The following MIEF2 variants were observed in gnomAD, a reference collection of about 807,000 sequenced individuals.
MIEF2 encodes the protein mitochondrial dynamics protein MID49.
In MIEF2, 1 loss-of-function variant was observed where a neutral mutation model predicts 7.4. The observed-to-expected ratio is 0.14, with a 90% CI of 0.05 to 0.64. The LOEUF (loss-of-function observed/expected upper bound fraction) is 0.64. Among genes scored for constraint, MIEF2 ranks in the 30% least tolerant of loss-of-function variants. The pLI is 0.85. For synonymous variants in MIEF2, 275 were observed against 290.5 expected (o/e 0.95, Z 0.54); for missense variants, 569 against 623.9 (o/e 0.91, Z 0.94).
In MIEF2 at chr17:18,266,018, C is replaced by A. The variant is rs2142911250; in HGVS notation, c.*1254C>A. 6.6e-6 allele frequency: 1 copy of A among 152,042 alleles called. No individual in the cohort carries two copies. Among genetic ancestry groups the A allele is most frequent in the Admixed American group, 6.5e-5 (1 of 15,270 alleles). 9.4% of individuals were successfully genotyped at this position (152,042 alleles called of 1,614,324 possible). ...GTCAAGAGATCGAGACCATCCTGAC[C>A]AACATGATGAAACCCCAACTCTACT... is the stretch of plus-strand genomic sequence containing the variant. On this transcript the variant is annotated 3_prime_UTR_variant, in exon 4 of 4. Transcript: ENST00000323019.
rs899364232 is a variant in MIEF2 at position 18,265,231 on chromosome 17, T to A, written c.*467T>A. On this transcript the variant is annotated 3_prime_UTR_variant, in exon 4 of 4. Transcript: ENST00000323019. ...TGCCTGATGGTAGGTATGGTGTGTT[T>A]GTTCTGTCCCCCAGGGGCTGGAGTC... 3 of 158,122 alleles carry A rather than the reference T, an allele frequency of 1.9e-5. No homozygotes were observed. Among genetic ancestry groups the A allele is most frequent in the Non-Finnish European group, 4.2e-5 (3 of 71,368 alleles). The allele number at this position is 158,122 out of a possible 1,614,324, so 9.8% of individuals were successfully genotyped here.
At chr17:18,263,681 G>T (rs780724405) in intron 3 of MIEF2, 29 bp from the exon 4 acceptor site, 5 of 1,528,468 alleles carry the variant, frequency 3.3e-6, no homozygotes. Context: ...AGGCTGTTCC[G>T]ACATGTTCCC....
At position 18,264,919 on chromosome 17, in the gene MIEF2, A is replaced by G. The variant is rs993681194; in HGVS notation, c.*155A>G. 7.5e-7 allele frequency: 1 copy of G among 1,333,802 alleles called. No homozygotes were observed. The highest frequency in any genetic ancestry group is 9.9e-7 in the Non-Finnish European group (1 of 1,009,544). 82.6% of individuals were successfully genotyped at this position (1,333,802 alleles called of 1,614,324 possible). On this transcript the variant is annotated 3_prime_UTR_variant, in exon 4 of 4. Transcript: ENST00000323019. ...CAGGGCATCAGGATGTGCTTGGGCTATGGTGGCCATAAACCCTGAGCCCAG... is the reference window on the plus strand; with the variant it reads ...CAGGGCATCAGGATGTGCTTGGGCTGTGGTGGCCATAAACCCTGAGCCCAG...
Position 18,264,146 on chromosome 17 carries a change from C to T in MIEF2, c.747C>T (p.Leu249=). The change falls in exon 4 of 4, where the codon CTC becomes CTT. Residue 249 remains leucine, a synonymous_variant. Transcript: ENST00000323019. ...PWDRFLVGGY[L]SSRVLLELLR... is the part of the protein sequence containing the mutation. The stretch of plus-strand genomic sequence containing the variant: ...ACCGCTTCCTGGTCGGGGGCTACCT[C>T]TCCTCCCGCGTCCTGCTGGAGCTAC... 1 of 1,565,918 alleles carries T rather than the reference C, an allele frequency of 6.4e-7. No homozygotes were observed. The highest frequency in any genetic ancestry group is 8.6e-7 in the Non-Finnish European group (1 of 1,160,970).
rs1200715847 is a variant in MIEF2 at position 18,264,324 on chromosome 17, G to C, written c.925G>C (p.Gly309Arg). ...LTVAVLVAVP[G>R]VDADDRLLLA... ...TGTGGCTGTGCTTGTGGCAGTCCCT[G>C]GGGTCGATGCTGACGACCGCCTCCT... is the stretch of plus-strand genomic sequence containing the variant. The change falls in exon 4 of 4, where the codon GGG (glycine) becomes CGG (arginine). Residue 309 changes from glycine (G) to arginine (R), a missense_variant. By Grantham distance (125) the Gly-to-Arg change is moderately radical. Transcript: ENST00000323019. 3.1e-6 allele frequency: 5 copies of C among 1,607,008 alleles called. No homozygotes were observed. Among genetic ancestry groups the C allele is most frequent in the Non-Finnish European group, 3.4e-6 (4 of 1,179,886 alleles).
chr17:18,263,867 C>T lies in MIEF2; in HGVS notation c.468C>T (p.Ile156=), dbSNP rs1049099128. Reference sequence around the variant, plus strand: ...TGGCCAAACAGCTGGCTGGCGACATCGCCCTGGAGCTGCAGGCCTACTTTC... The same window carrying T: ...TGGCCAAACAGCTGGCTGGCGACATTGCCCTGGAGCTGCAGGCCTACTTTC... ...VALAKQLAGD[I]ALELQAYFRS... Residue 156 remains isoleucine, a synonymous_variant, in exon 4 of 4, where the codon ATC becomes ATT. Transcript: ENST00000323019. The T allele has an allele frequency of 1.9e-5, 30 of 1,604,488 alleles. No homozygotes were observed. The highest frequency in any genetic ancestry group is 2.4e-5 in the Non-Finnish European group (28 of 1,179,936).
In MIEF2 at chr17:18,264,718, G is replaced by C. The variant is rs200964296; in HGVS notation, c.1319G>C (p.Gly440Ala). 6.2e-7 allele frequency: 1 copy of C among 1,612,698 alleles called. No homozygotes were observed. Among genetic ancestry groups the C allele is most frequent in the East Asian group, 2.2e-5 (1 of 44,870 alleles). Residue 440 changes from glycine (G) to alanine (A), a missense_variant, in exon 4 of 4, where the codon GGC (glycine) becomes GCC (alanine). Physicochemically the swap from Gly to Ala is moderately conservative, Grantham distance 60 (BLOSUM62 0). Transcript: ENST00000323019. ...CGTGAGGAGGAGATTGACGACATTG[G>C]CTATGCGCTATACAGTGGCCTACAG... ...SLREEEIDDI[G>A]YALYSGLQEP... is the part of the protein sequence containing the mutation.
intron 1 of MIEF2, 70 bp downstream of exon 1, chr17:18,260,807 A>C (rs1402663778): frequency 1.8e-5 from 6 of 335,314 alleles, no homozygotes; most frequent in African/African-American, 1.1e-4. Flanking sequence ...GACGGAACGC[A>C]GATCGGGGGC....
Position 18,263,959 on chromosome 17 carries a change from A to C in MIEF2, c.560A>C (p.Gln187Pro). ...GGGGGGCCGCTCTACGACGGGCTGCAGGCGGGGGCTGCGGACCATGTGCGT... is the reference window on the plus strand; with the variant it reads ...GGGGGGCCGCTCTACGACGGGCTGCCGGCGGGGGCTGCGGACCATGTGCGT... ...VPGGPLYDGL[Q>P]AGAADHVRLL... is the part of the protein sequence containing the mutation. The change falls in exon 4 of 4, where the codon CAG (glutamine) becomes CCG (proline). Residue 187 changes from glutamine to proline, a missense_variant. Gln to Pro is a moderately conservative substitution (Grantham distance 76). Coordinates refer to ENST00000323019, the MANE Select transcript of MIEF2 (RefSeq NM_139162.4). The C allele has an allele frequency of 6.3e-7, 1 of 1,585,778 alleles. No individual in the cohort carries two copies. The highest frequency in any genetic ancestry group is 8.6e-7 in the Non-Finnish European group (1 of 1,169,016).
At position 18,260,663 on chromosome 17, in the gene MIEF2, T is replaced by A. The variant is rs1377338166; in HGVS notation, c.-82T>A. 1 of 189,386 alleles carries A rather than the reference T, an allele frequency of 5.3e-6. No homozygotes were observed. The highest frequency in any genetic ancestry group is 1.1e-5 in the Non-Finnish European group (1 of 90,516). The allele number at this position is 189,386 out of a possible 1,614,324, so 11.7% of individuals were successfully genotyped here. On this transcript the variant is annotated 5_prime_UTR_variant, in exon 1 of 4. Coordinates refer to ENST00000323019, the MANE Select transcript of MIEF2 (RefSeq NM_139162.4). Reference sequence around the variant, plus strand: ...GGGTTCCAGGGTCCTTCACGTTCCATTCCCAGGCTGGTCTGAGCTCCGGGG... The same window carrying A: ...GGGTTCCAGGGTCCTTCACGTTCCAATCCCAGGCTGGTCTGAGCTCCGGGG...
In MIEF2 at chr17:18,264,998, A is replaced by G; in HGVS notation, c.*234A>G. 1 of 616,096 alleles carries G rather than the reference A, an allele frequency of 1.6e-6. No individual in the cohort carries two copies. The highest frequency in any genetic ancestry group is 2.6e-6 in the Non-Finnish European group (1 of 390,414). 38.2% of individuals were successfully genotyped at this position (616,096 alleles called of 1,614,324 possible). ...AGCTGGGCTGCCTCAGGCAGCTTGG[A>G]GTGCCAGCCATTCCTGCAAGCACCG... On this transcript the variant is annotated 3_prime_UTR_variant, in exon 4 of 4. Coordinates refer to ENST00000323019, the MANE Select transcript of MIEF2 (RefSeq NM_139162.4).
chr17:18,263,864 C>T lies in MIEF2; in HGVS notation c.465C>T (p.Asp155=), dbSNP rs2142905841. ...CTTTGGCCAAACAGCTGGCTGGCGACATCGCCCTGGAGCTGCAGGCCTACT... is the reference window on the plus strand; with the variant it reads ...CTTTGGCCAAACAGCTGGCTGGCGATATCGCCCTGGAGCTGCAGGCCTACT... ...QVALAKQLAG[D]IALELQAYFR... The change falls in exon 4 of 4, where the codon GAC becomes GAT. Residue 155 remains aspartate, a synonymous_variant. Transcript: ENST00000323019. 1 of 1,605,064 alleles carries T rather than the reference C, an allele frequency of 6.2e-7. No individual in the cohort carries two copies. The highest frequency in any genetic ancestry group is 8.5e-7 in the Non-Finnish European group (1 of 1,179,966).
At chr17:18,263,366 C>T (rs772163176) in intron 3 of MIEF2, 118 bp downstream of exon 3, 4 of 1,375,186 alleles carry the variant, frequency 2.9e-6, no homozygotes, top group Non-Finnish European at 4.1e-6. Context: ...TTGTGGGCTC[C>T]TCAGATATTT....
At position 18,264,530 on chromosome 17, in the gene MIEF2, C is replaced by T; in HGVS notation, c.1131C>T (p.His377=). ...CSALGQLGRG[H]LTQVVLRLGE... is the part of the protein sequence containing the mutation. ...CTCTGGGGCAGCTAGGCCGGGGTCA[C>T]CTGACCCAGGTGGTCCTGCGTCTGG... The change falls in exon 4 of 4, where the codon CAC becomes CAT. Residue 377 remains histidine (H), a synonymous_variant. Transcript: ENST00000323019. 2 of 1,610,054 alleles carry T rather than the reference C, an allele frequency of 1.2e-6. No homozygotes were observed. The highest frequency in any genetic ancestry group is 1.1e-5 in the South Asian group (1 of 91,072).
rs1978694089 is a variant in MIEF2 at position 18,265,406 on chromosome 17, C to T, written c.*642C>T. On this transcript the variant is annotated 3_prime_UTR_variant, in exon 4 of 4. Coordinates refer to ENST00000323019, the MANE Select transcript of MIEF2 (RefSeq NM_139162.4). Reference sequence around the variant, plus strand: ...AGGGCAAGGCCCTTTTTCCCTCCAGCCAGGTGAGTGTTTTCTTCAGGCAGC... The same window carrying T: ...AGGGCAAGGCCCTTTTTCCCTCCAGTCAGGTGAGTGTTTTCTTCAGGCAGC... 6.6e-6 allele frequency: 1 copy of T among 152,456 alleles called. No homozygotes were observed. The allele number at this position is 152,456 out of a possible 1,614,324, so 9.4% of individuals were successfully genotyped here. A position where few individuals can be genotyped will look rare whatever the true frequency, so the allele number is the denominator to read the frequency against.
intron 1 of MIEF2, among the ~76,000 whole-genome samples, chr17:18,261,972 A>ATTGGTAGCTCTGC (rs1431145620): frequency 1.1e-4 from 17 of 152,304 alleles, no homozygotes; most frequent in African/African-American, 4.1e-4. Context: ...CCGTGCTCTG[A>ATTGGTAGCTCTGC]CTTGGTAGCT....
At position 18,264,364 on chromosome 17, in the gene MIEF2, T is replaced by A; in HGVS notation, c.965T>A (p.Leu322Gln). The change falls in exon 4 of 4, where the codon CTG becomes CAG. Residue 322 changes from leucine (L) to glutamine (Q), a missense_variant. Coordinates refer to ENST00000323019, the MANE Select transcript of MIEF2 (RefSeq NM_139162.4). ...ADDRLLLAWP[L>Q]EGLAGNLWLQ... The stretch of plus-strand genomic sequence containing the variant: ...GACCGCCTCCTCTTGGCCTGGCCCC[T>A]GGAGGGGCTGGCGGGGAACCTCTGG... The A allele has an allele frequency of 6.2e-7, 1 of 1,604,338 alleles. No homozygotes were observed. The highest frequency in any genetic ancestry group is 1.1e-5 in the South Asian group (1 of 91,064).
rs1978738816 is a variant in MIEF2 at position 18,266,156 on chromosome 17, A to C, written c.*1392A>C. 2 of 151,856 alleles carry C rather than the reference A, an allele frequency of 1.3e-5. No homozygotes were observed. Among genetic ancestry groups the C allele is most frequent in the African/African-American group, 4.8e-5 (2 of 41,248 alleles). 9.4% of individuals were successfully genotyped at this position (151,856 alleles called of 1,614,324 possible). On this transcript the variant is annotated 3_prime_UTR_variant, in exon 4 of 4. Coordinates refer to ENST00000323019, the MANE Select transcript of MIEF2 (RefSeq NM_139162.4). ...GGGAGGTAGAGGTTGCAATGAGCTGAAATTGCACCACTGCACTCCAGACTG... is the reference window on the plus strand; with the variant it reads ...GGGAGGTAGAGGTTGCAATGAGCTGCAATTGCACCACTGCACTCCAGACTG...
intron 3 of MIEF2, 114 bp from the exon 4 acceptor site, chr17:18,263,596 C>T: frequency 7.4e-7 from 1 of 1,353,098 alleles, no homozygotes; most frequent in Non-Finnish European, 9.8e-7. Context: ...TTCTCAGGTG[C>T]CACTGCAGGT....
Sources: allele counts gnomAD v4.1 joint callset (sites outside exome capture counted in the v4.1 genomes callset), GRCh38; gene constraint gnomAD v4.1.1; transcripts MANE v1.5; gene names NCBI Gene and HGNC (gene_info 2026-07-23, HGNC 2026-07-21).